STXBP5L: variants seen among roughly 807,000 people sequenced by gnomAD.
The protein encoded by STXBP5L is syntaxin binding protein 5L.
In STXBP5L, 65 loss-of-function variants were observed where a neutral mutation model predicts 144.5. The ratio of observed to expected loss-of-function variants is 0.45; its 90% CI spans 0.37 to 0.55. STXBP5L has a LOEUF of 0.55. Ranked by LOEUF, STXBP5L falls within the 20% of genes least tolerant of loss-of-function variation. STXBP5L has a pLI of 0.00. For synonymous variants in STXBP5L, 505 were observed against 469.6 expected (o/e 1.08, Z -0.97); for missense variants, 1,298 against 1,405.5 (o/e 0.92, Z 1.22).
chr3:120,951,479 C>G (rs868782265), intron 2 of STXBP5L, among the ~76,000 whole-genome samples: 9 of 151,242 alleles, frequency 6.0e-5, no homozygotes, highest in Non-Finnish European at 7.4e-5. Flanking sequence ...ACAACCCCAT[C>G]AAAAAGTGGG....
intron 7 of STXBP5L, among the ~76,000 whole-genome samples, chr3:121,122,207 T>C (rs1293389791): frequency 6.7e-6 from 1 of 149,910 alleles, no homozygotes; most frequent in Non-Finnish European, 1.5e-5. Flanking sequence ...ACATGAAAAT[T>C]AGATATTTTT....
At chr3:121,063,078 A>G (rs1373301611) in intron 5 of STXBP5L, among the ~76,000 whole-genome samples, 1 of 152,216 alleles carries the variant, frequency 6.6e-6, no homozygotes, top group South Asian at 2.1e-4. Context: ...CCTCTGGAGC[A>G]GAAGAGTCAT....
At chr3:120,959,009 T>A (rs1255309839) in intron 3 of STXBP5L, among the ~76,000 whole-genome samples, 6 of 152,160 alleles carry the variant, frequency 3.9e-5, no homozygotes, top group Non-Finnish European at 7.3e-5. Flanking sequence ...GAAATCCCCA[T>A]CATCTCAGCC....
At chr3:121,360,097 T>A (rs2045665963) in intron 20 of STXBP5L, among the ~76,000 whole-genome samples, 1 of 144,336 alleles carries the variant, frequency 6.9e-6, no homozygotes, top group Admixed American at 7.0e-5. Flanking sequence ...TGGGTACATA[T>A]GTATTTTAAA....
chr3:120,918,790 T>A (rs893292757), intron 2 of STXBP5L, among the ~76,000 whole-genome samples: 1 of 152,194 alleles, frequency 6.6e-6, no homozygotes, highest in African/African-American at 2.4e-5. Flanking sequence ...GTTATCTTAA[T>A]TCAGTTTGTG....
chr3:121,090,885 G>A (rs1339949770), intron 5 of STXBP5L, among the ~76,000 whole-genome samples: 1 of 151,366 alleles, frequency 6.6e-6, no homozygotes, highest in Non-Finnish European at 1.5e-5. Context: ...CCACTAACGT[G>A]TCATCTAGCA....
chr3:120,966,493 A>T (rs1209774966), intron 3 of STXBP5L, among the ~76,000 whole-genome samples: 3 of 151,476 alleles, frequency 2.0e-5, no homozygotes, highest in Non-Finnish European at 4.4e-5. Context: ...GTTGATGTTG[A>T]TGCTATTCCT....
At chr3:121,283,429 A>G (rs1426228822) in intron 19 of STXBP5L, among the ~76,000 whole-genome samples, 3 of 151,490 alleles carry the variant, frequency 2.0e-5, no homozygotes, top group Non-Finnish European at 4.4e-5. Context: ...AATCCTTCCC[A>G]CTCTCTCTGT....
At chr3:121,205,705 T>C (rs528486847) in intron 9 of STXBP5L, among the ~76,000 whole-genome samples, 15 of 152,302 alleles carry the variant, frequency 9.8e-5, no homozygotes, top group African/African-American at 2.9e-4. Context: ...TTACAGGTAA[T>C]TTTATGAATT....
chr3:120,962,651 C>T (rs962693990), intron 3 of STXBP5L, among the ~76,000 whole-genome samples: 1 of 152,120 alleles, frequency 6.6e-6, no homozygotes, highest in Non-Finnish European at 1.5e-5. Context: ...TGTTTTGGTA[C>T]CAGTACCATG....
At chr3:121,147,877 C>A (rs943981064) in intron 7 of STXBP5L, among the ~76,000 whole-genome samples, 2 of 152,116 alleles carry the variant, frequency 1.3e-5, no homozygotes, top group East Asian at 3.9e-4. Context: ...TCAGCTTTTT[C>A]CTGCCTTTGG....
intron 19 of STXBP5L, among the ~76,000 whole-genome samples, chr3:121,312,989 C>T (rs561908824): frequency 2.7e-4 from 41 of 152,296 alleles, no homozygotes; most frequent in Middle Eastern, 3.4e-3. Flanking sequence ...ACCTCCCAGA[C>T]GGGGTCATGG....
rs750792553 is a variant in STXBP5L at position 121,240,525 on chromosome 3, G to A, written c.1400+18G>A. Reference sequence around the variant, plus strand: ...ATTACTGGGTAAGTAGATGTGTTTTGTGAGTTATTAGTTCATCAACAAAAA... The same window carrying A: ...ATTACTGGGTAAGTAGATGTGTTTTATGAGTTATTAGTTCATCAACAAAAA... On this transcript the variant is annotated intron_variant, in intron 14 of 26. Transcript: ENST00000471454. The A allele has an allele frequency of 6.2e-7, 1 of 1,610,942 alleles. No homozygotes were observed. The highest frequency in any genetic ancestry group is 2.2e-5 in the East Asian group (1 of 44,726).
chr3:121,119,394 C>T (rs1325709030), intron 6 of STXBP5L, among the ~76,000 whole-genome samples: 2 of 151,168 alleles, frequency 1.3e-5, no homozygotes, highest in Admixed American at 1.3e-4. Flanking sequence ...TATGGGAATA[C>T]ATGGCAGTCT....
intron 5 of STXBP5L, chr3:121,099,226 G>A (rs996994444): frequency 6.6e-6 from 1 of 152,198 alleles, no homozygotes; most frequent in African/African-American, 2.4e-5. Flanking sequence ...ATTGGTATCA[G>A]GGTTCAGTGA....
chr3:121,120,529 T>C (rs2044410618), intron 6 of STXBP5L, among the ~76,000 whole-genome samples: 1 of 151,282 alleles, frequency 6.6e-6, no homozygotes, highest in African/African-American at 2.4e-5. Flanking sequence ...ATGTATCTTC[T>C]AATCTGCACA....
chr3:121,106,006 G>C (rs1304931582), intron 5 of STXBP5L, among the ~76,000 whole-genome samples: 1 of 152,110 alleles, frequency 6.6e-6, no homozygotes, highest in East Asian at 1.9e-4. Context: ...ATTTTTCAAA[G>C]TGAGAAAAAT....
At chr3:120,974,128 C>T (rs1178666719) in intron 3 of STXBP5L, among the ~76,000 whole-genome samples, 1 of 152,184 alleles carries the variant, frequency 6.6e-6, no homozygotes, top group Admixed American at 6.5e-5. Context: ...CTAACTTCCA[C>T]AATGGTTGAA....
chr3:121,394,837 C>T (rs1454910991), intron 22 of STXBP5L, among the ~76,000 whole-genome samples: 1 of 152,006 alleles, frequency 6.6e-6, no homozygotes, highest in Non-Finnish European at 1.5e-5. Context: ...ATCTCCTGAC[C>T]TCATGATCCA....
Sources: allele counts gnomAD v4.1 joint callset (sites outside exome capture counted in the v4.1 genomes callset), GRCh38; gene constraint gnomAD v4.1.1; transcripts MANE v1.5; gene names NCBI Gene and HGNC (gene_info 2026-07-23, HGNC 2026-07-21).